The following TSPAN9 variants were observed in gnomAD, a reference collection of about 807,000 sequenced individuals.
The protein encoded by TSPAN9 is tetraspanin-9.
Under a neutral mutation model 31.0 loss-of-function variants are expected in TSPAN9, and 16 were observed. The ratio of observed to expected loss-of-function variants is 0.52; its 90% CI spans 0.35 to 0.78. The LOEUF (loss-of-function observed/expected upper bound fraction) is 0.78. TSPAN9 is among the 30% of genes least tolerant of loss of function. The pLI, the probability that TSPAN9 is intolerant of heterozygous loss-of-function variation, is 0.01. For missense variants in TSPAN9, 272 were observed against 312.5 expected (o/e 0.87, Z 0.98); for synonymous variants, 145 against 121.6 (o/e 1.19, Z -1.27).
intron 2 of TSPAN9, among the ~76,000 whole-genome samples, chr12:3,169,627 C>T (rs1229014345): frequency 1.3e-5 from 2 of 152,288 alleles, no homozygotes; most frequent in Admixed American, 6.5e-5. Flanking sequence ...CACTCAGCAC[C>T]CTAGGCATCA....
intron 3 of TSPAN9, among the ~76,000 whole-genome samples, chr12:3,215,032 G>A (rs781455326): frequency 2.6e-5 from 4 of 151,826 alleles, no homozygotes; most frequent in Admixed American, 6.6e-5. Flanking sequence ...CCTGGCCTGC[G>A]CTCCCACCTG....
intron 2 of TSPAN9, among the ~76,000 whole-genome samples, chr12:3,177,381 T>C (rs1417484693): frequency 6.6e-6 from 1 of 151,598 alleles, no homozygotes; most frequent in Non-Finnish European, 1.5e-5. Flanking sequence ...TTGTGATCTG[T>C]CCGCCTCGGC....
intron 2 of TSPAN9, among the ~76,000 whole-genome samples, chr12:3,155,105 TA>T (rs149138494): frequency 7.3e-5 from 11 of 151,678 alleles, no homozygotes; most frequent in East Asian, 1.9e-4. Flanking sequence ...GGCAGCTAAT[TA>T]AAAAAAAATT....
chr12:3,102,226 C>T (rs575050786), intron 2 of TSPAN9, among the ~76,000 whole-genome samples: 5 of 151,998 alleles, frequency 3.3e-5, no homozygotes, highest in South Asian at 4.2e-4. Context: ...TGGGTTCAAG[C>T]GATCCTTCTG....
At chr12:3,100,214 G>A (rs924319639) in intron 2 of TSPAN9, among the ~76,000 whole-genome samples, 1 of 152,112 alleles carries the variant, frequency 6.6e-6, no homozygotes, top group Non-Finnish European at 1.5e-5. Flanking sequence ...CAGATTGTTG[G>A]GCCTGTTGCT....
At chr12:3,126,650 T>C (rs2153966645) in intron 2 of TSPAN9, among the ~76,000 whole-genome samples, 1 of 152,296 alleles carries the variant, frequency 6.6e-6, no homozygotes, top group South Asian at 2.1e-4. Flanking sequence ...GGCTCACACC[T>C]GTAATCCCAA....
chr12:3,214,712 A>G (rs1591682122), intron 3 of TSPAN9, among the ~76,000 whole-genome samples: 1 of 150,728 alleles, frequency 6.6e-6, no homozygotes, highest in Non-Finnish European at 1.5e-5. Flanking sequence ...TAAGCAGGTA[A>G]TGAGGGGGCG....
intron 3 of TSPAN9, chr12:3,211,918 G>A (rs1336974855): frequency 2.0e-6 from 3 of 1,503,368 alleles, no homozygotes; most frequent in South Asian, 2.3e-5. Flanking sequence ...CGAGAGGCAT[G>A]TTCTCGTGTG....
chr12:3,263,766 G>A (rs893910677), intron 3 of TSPAN9, among the ~76,000 whole-genome samples: 16 of 152,216 alleles, frequency 1.1e-4, no homozygotes, highest in Admixed American at 7.9e-4. Context: ...GGCCGATGAC[G>A]GCCAGTCGAG....
intron 3 of TSPAN9, among the ~76,000 whole-genome samples, chr12:3,251,629 G>A (rs540291214): frequency 1.6e-3 from 239 of 152,330 alleles, no homozygotes; most frequent in Non-Finnish European, 2.7e-3. Context: ...GTATGTGTGG[G>A]AAGAGGTTCT....
rs575621064 is a variant in TSPAN9, at chr12:3,246,047, G to A, written c.64-32374G>A. Among the ~76,000 whole-genome samples, 25 of 151,996 alleles carry A rather than the reference G, an allele frequency of 1.6e-4. 1 individual carries two copies. The South Asian group carries it at 5.0e-3, about 30-fold the overall frequency. On this transcript the variant is annotated intron_variant, in intron 3 of 8. Coordinates refer to ENST00000011898, the MANE Select transcript of TSPAN9 (RefSeq NM_006675.5). ...AAGAAAAGAGGTTTAATTGGCTCAT[G>A]TTTCTGTAGGCTGTACAGGAAGCAT...
At chr12:3,086,036 G>A (rs10848789) in intron 2 of TSPAN9, among the ~76,000 whole-genome samples, 53,094 of 152,092 alleles carry the variant, frequency 0.35, 9,865 homozygotes, top group African/African-American at 0.47. Flanking sequence ...CTTCGTGCCC[G>A]TGCCTGAGGC....
chr12:3,099,632 G>C (rs1445896432), intron 2 of TSPAN9, among the ~76,000 whole-genome samples: 1 of 152,138 alleles, frequency 6.6e-6, no homozygotes, highest in Admixed American at 6.5e-5. Context: ...ATTGGGTTTT[G>C]TTATATTTCC....
chr12:3,282,277 C>A (rs1002260935), intron 8 of TSPAN9, among the ~76,000 whole-genome samples: 1 of 152,214 alleles, frequency 6.6e-6, no homozygotes, highest in African/African-American at 2.4e-5. Context: ...AGGGAAGGGG[C>A]ACAAACGAGT....
chr12:3,173,038 G>A (rs2098352954), intron 2 of TSPAN9: 1 of 152,270 alleles, frequency 6.6e-6, no homozygotes, highest in South Asian at 2.1e-4. Context: ...TGCTCAAGGC[G>A]TCTTACCTGA....
rs555341654 is a variant in TSPAN9 at position 3,206,410 on chromosome 12, A to G, written c.63+5154A>G. ...CTGAGCATTTGAACACAGGGCTGTC[A>G]AGGGAGAGGTGAGAGCATTCTAGGG... On this transcript the variant is annotated intron_variant, in intron 3 of 8. Transcript: ENST00000011898. 14 of 455,344 alleles carry G rather than the reference A, an allele frequency of 3.1e-5. 1 individual carries two copies. Among genetic ancestry groups the G allele is most frequent in the South Asian group, 2.2e-4 (14 of 64,500 alleles). 28.2% of individuals were successfully genotyped at this position (455,344 alleles called of 1,614,324 possible).
At chr12:3,255,723 T>C (rs1231098357) in intron 3 of TSPAN9, among the ~76,000 whole-genome samples, 1 of 152,236 alleles carries the variant, frequency 6.6e-6, no homozygotes, top group East Asian at 1.9e-4. Flanking sequence ...ACCCTTAGAA[T>C]ATGGTGAGTA....
intron 3 of TSPAN9, among the ~76,000 whole-genome samples, chr12:3,253,897 C>T (rs910373361): frequency 1.3e-5 from 2 of 152,298 alleles, no homozygotes; most frequent in Middle Eastern, 3.4e-3. Flanking sequence ...ACCCCAGGTG[C>T]GTGGCTGCAG....
intron 2 of TSPAN9, 92 bp downstream of exon 2, chr12:3,083,811 TA>T: frequency 6.6e-6 from 1 of 152,432 alleles, no homozygotes; most frequent in African/African-American, 2.4e-5. Context: ...TCTTGCCCTT[TA>T]ACTGTGGGTT....
Sources: gnomAD v4.1 joint callset for allele counts (sites outside exome capture counted in the v4.1 genomes callset) on GRCh38, gnomAD v4.1.1 for gene constraint, MANE v1.5 for transcripts, NCBI Gene and HGNC (gene_info 2026-07-23, HGNC 2026-07-21) for gene names.